Variants in DENND4C observed in about 807,000 individuals in gnomAD.
DENND4C encodes DENN domain containing 4C.
In DENND4C, 108 loss-of-function variants were observed where a neutral mutation model predicts 203.0. That is an observed-to-expected ratio of 0.53 (90% CI 0.46 to 0.62). The LOEUF (loss-of-function observed/expected upper bound fraction) is 0.62. DENND4C is among the 20% of genes least tolerant of loss of function. The pLI, the probability that DENND4C is intolerant of heterozygous loss-of-function variation, is 0.00. For synonymous variants in DENND4C, 871 were observed against 792.4 expected (o/e 1.10, Z -1.67); for missense variants, 2,481 against 2,301.2 (o/e 1.08, Z -1.60).
intron 12 of DENND4C, among the ~76,000 whole-genome samples, chr9:19,323,064 G>A (rs1843149748): frequency 6.6e-6 from 1 of 152,112 alleles, no homozygotes; most frequent in Admixed American, 6.6e-5. Context: ...TAGCACTTTG[G>A]GAGGCTGAGA....
intron 31 of DENND4C, among the ~76,000 whole-genome samples, chr9:19,370,412 C>A (rs1003186865): frequency 1.6e-4 from 25 of 151,968 alleles, no homozygotes; most frequent in African/African-American, 4.8e-4. Context: ...TGTGATCACA[C>A]CGCTGCACTG....
At chr9:19,287,128 A>G (rs188862995) in intron 3 of DENND4C, 107 bp downstream of exon 3, 444 of 1,004,308 alleles carry the variant, frequency 4.4e-4, no homozygotes, top group Non-Finnish European at 5.4e-4. Context: ...TATTTTCATG[A>G]TGCTTGTTTT....
intron 16 of DENND4C, among the ~76,000 whole-genome samples, chr9:19,328,630 T>C (rs998672451): frequency 2.0e-5 from 2 of 101,136 alleles, no homozygotes; most frequent in African/African-American, 8.4e-5. Flanking sequence ...AGTCTATATA[T>C]GTGTCTGTCT....
chr9:19,355,352 T>G (rs938574242), intron 26 of DENND4C, among the ~76,000 whole-genome samples: 1 of 152,220 alleles, frequency 6.6e-6, no homozygotes, highest in Non-Finnish European at 1.5e-5. Context: ...GAATCTTGTT[T>G]TTAAAGTTGT....
chr9:19,270,443 G>A (rs1353077213), intron 1 of DENND4C, among the ~76,000 whole-genome samples: 2 of 152,244 alleles, frequency 1.3e-5, no homozygotes, highest in African/African-American at 2.4e-5. Flanking sequence ...AATCTACTTG[G>A]TGCTTTATTT....
rs755264700 is a variant in DENND4C, at chr9:19,295,987, C to G, written c.802-21C>G. On this transcript the variant is annotated intron_variant, in intron 5 of 32. Coordinates refer to ENST00000434457, the MANE Select transcript of DENND4C (RefSeq NM_001330640.2). ...TTTCAAACAAACTCAAATCTTATAA[C>G]AGAATTCTGTTACTCTTTAGGTATA... 4.6e-6 allele frequency: 7 copies of G among 1,537,012 alleles called. No individual in the cohort carries two copies. The African/African-American group carries it at 9.7e-5, about 21-fold the overall frequency.
At chr9:19,245,604 C>T (rs1260528187) in intron 1 of DENND4C, among the ~76,000 whole-genome samples, 2 of 152,010 alleles carry the variant, frequency 1.3e-5, no homozygotes, top group Admixed American at 6.6e-5. Context: ...CTCCTGTAAT[C>T]CCAGCACTTT....
At chr9:19,236,306 C>T (rs905218282) in intron 1 of DENND4C, among the ~76,000 whole-genome samples, 7 of 152,024 alleles carry the variant, frequency 4.6e-5, no homozygotes, top group Admixed American at 3.9e-4. Flanking sequence ...GCTGCAGGAG[C>T]AGAGGGAAAC....
intron 5 of DENND4C, among the ~76,000 whole-genome samples, chr9:19,293,096 A>G (rs2131208358): frequency 6.6e-6 from 1 of 152,354 alleles, no homozygotes; most frequent in East Asian, 1.9e-4. Flanking sequence ...TGTTAGCTTA[A>G]TAATCATTTA....
intron 2 of DENND4C, among the ~76,000 whole-genome samples, chr9:19,277,806 A>G (rs944544775): frequency 2.0e-5 from 3 of 152,134 alleles, no homozygotes; most frequent in African/African-American, 7.2e-5. Context: ...CTTAAATACC[A>G]TTTATCATGT....
intron 12 of DENND4C, among the ~76,000 whole-genome samples, chr9:19,319,352 T>TTATA (rs78391178): frequency 1.1e-4 from 15 of 135,936 alleles, no homozygotes; most frequent in African/African-American, 4.2e-4. Context: ...ATATATATAC[T>TTATA]TATATATACA....
In DENND4C at chr9:19,347,070, G is replaced by C. The variant is rs1204010237; in HGVS notation, c.4301G>C (p.Ser1434Thr). ...TGGGTAGCTGTTGCGTCTGCCTACA[G>C]CTACTCAGATGATGAGGTAAGAAAG... Reference protein sequence around the residue: ...KMWVAVASAYSYSDDEEETNR... With the variant: ...KMWVAVASAYTYSDDEEETNR... Residue 1434 changes from serine (S) to threonine (T), a missense_variant, in exon 23 of 33, where the codon AGC becomes ACC. Physicochemically the swap from Ser to Thr is moderately conservative, Grantham distance 58 (BLOSUM62 1). Around this residue, in one of 3 missense-constraint regions of DENND4C, gnomAD observed 2,289 missense variants for 2,113.3 expected, o/e 1.08. Transcript: ENST00000434457. The C allele has an allele frequency of 1.9e-6, 3 of 1,613,318 alleles. No homozygotes were observed. The highest frequency in any genetic ancestry group is 4.5e-5 in the East Asian group (2 of 44,870).
At chr9:19,272,945 CTTTTT>C (rs35973945) in intron 1 of DENND4C, among the ~76,000 whole-genome samples, 14 of 86,610 alleles carry the variant, frequency 1.6e-4, no homozygotes, top group Non-Finnish European at 6.8e-5. Context: ...TTTTTGTATC[CTTTTT>C]TTTTTTTTTT....
chr9:19,371,701 A>G (rs1217261124), intron 31 of DENND4C, 55 bp from the exon 32 acceptor site: 16 of 885,838 alleles, frequency 1.8e-5, no homozygotes, highest in Non-Finnish European at 2.9e-5. Context: ...AAAAAAATGC[A>G]TCTGTGTTTT....
chr9:19,356,814 A>AGC (rs1222420564), intron 26 of DENND4C, among the ~76,000 whole-genome samples, 158 bp from the exon 27 acceptor site: 2 of 151,540 alleles, frequency 1.3e-5, no homozygotes, highest in African/African-American at 4.8e-5. Flanking sequence ...AGAGAGAGAG[A>AGC]GAGTGAGAGT....
At chr9:19,240,240 A>G (rs773122507) in intron 1 of DENND4C, among the ~76,000 whole-genome samples, 60 of 152,284 alleles carry the variant, frequency 3.9e-4, no homozygotes, top group Non-Finnish European at 7.4e-4. Context: ...CTTGTAGGCT[A>G]TAGCCTATAG....
chr9:19,242,541 A>G (rs1241463353), intron 1 of DENND4C, among the ~76,000 whole-genome samples: 1 of 152,190 alleles, frequency 6.6e-6, no homozygotes, highest in Non-Finnish European at 1.5e-5. Flanking sequence ...TATTTCCATC[A>G]GCAGTGAATG....
intron 5 of DENND4C, 123 bp downstream of exon 5, chr9:19,290,999 C>T: frequency 6.5e-6 from 6 of 929,480 alleles, no homozygotes; most frequent in Non-Finnish European, 7.8e-6. Flanking sequence ...TTTAAATTTA[C>T]ACTGTCATCC....
chr9:19,277,756 A>G (rs1351442138), intron 2 of DENND4C, among the ~76,000 whole-genome samples: 1 of 152,188 alleles, frequency 6.6e-6, no homozygotes, highest in Admixed American at 6.5e-5. Context: ...GAAAGCTTTC[A>G]GTCTTTTACT....
Sources: allele counts gnomAD v4.1 joint callset (sites outside exome capture counted in the v4.1 genomes callset), GRCh38; gene constraint gnomAD v4.1.1; regional missense constraint gnomAD v4.1.1; transcripts MANE v1.5; gene names NCBI Gene and HGNC (gene_info 2026-07-23, HGNC 2026-07-21).